Variants in USP9X observed in about 807,000 individuals in gnomAD.
The protein encoded by USP9X is ubiquitin carboxyl-terminal hydrolase 9X.
USP9X carries 7 observed loss-of-function variants against 190.3 expected under a neutral mutation model. The observed-to-expected ratio is 0.04, with a 90% CI of 0.02 to 0.07. The LOEUF is 0.07. USP9X is among the 10% of genes least tolerant of loss of function. The pLI, the probability that USP9X is intolerant of heterozygous loss-of-function variation, is 1.00. For missense variants in USP9X, 1,010 were observed against 1,916.9 expected (o/e 0.53, Z 8.83); for synonymous variants, 645 against 659.5 (o/e 0.98, Z 0.34).
rs776872048 is a variant in USP9X at position 41,179,013 on chromosome X, C to G, written c.3149-4985C>G. 6.3e-5 allele frequency among the ~76,000 whole-genome samples: 7 copies of G among 111,876 alleles called. No individual in the cohort carries two copies. In the Admixed American group the frequency reaches 6.7e-4, roughly 11 times the overall value. On this transcript the variant is annotated intron_variant, in intron 21 of 44. Coordinates refer to ENST00000378308, the MANE Select transcript of USP9X (RefSeq NM_001039591.3). ...TGTTCTTGGCACCTTTGTTGAAAAT[C>G]AGTTGTTTCTGATTATGTGGATTTA... is the stretch of plus-strand genomic sequence containing the variant.
intron 21 of USP9X, among the ~76,000 whole-genome samples, chrX:41,174,983 A>C: frequency 9.0e-6 from 1 of 111,338 alleles, no homozygotes; most frequent in Non-Finnish European, 1.9e-5. Flanking sequence ...TTCTGTCTGA[A>C]GAAAAAAAAA....
rs1048092880 is a variant in USP9X at position 41,141,107 on chromosome X, T to C, written c.912T>C (p.Asn304=). 1 of 1,205,005 alleles carries C rather than the reference T, an allele frequency of 8.3e-7. No homozygotes were observed. Among genetic ancestry groups the C allele is most frequent in the African/African-American group, 1.8e-5 (1 of 57,105 alleles). The change falls in exon 8 of 45, where the codon AAT becomes AAC. Residue 304 remains asparagine, a synonymous_variant. Transcript: ENST00000378308. The part of the protein sequence containing the change: ...LKKEAKNEAK[N]DALSMIIKSL... ...AAGAAGCAAAGAATGAAGCCAAAAA[T>C]GATGCTCTTTCAATGATTATTAAAT...
rs113937187 is a variant in USP9X, at chrX:41,137,060, A to G, written c.654+38A>G. On this transcript the variant is annotated intron_variant, in intron 6 of 44. Transcript: ENST00000378308. Reference sequence around the variant, plus strand: ...GTTATTTTCAAAATTAAATAATACAATTGTTTTGTTCTGACACAGAATCTT... The same window carrying G: ...GTTATTTTCAAAATTAAATAATACAGTTGTTTTGTTCTGACACAGAATCTT... 0.19 allele frequency: 217,081 copies of G among 1,121,670 alleles called. 14,944 individuals are homozygous for G. Among genetic ancestry groups the G allele is most frequent in the Admixed American group, 0.3 (13,287 of 43,606 alleles). 92.4% of individuals were successfully genotyped at this position (1,121,670 alleles called of 1,213,427 possible). A position where few individuals can be genotyped will look rare whatever the true frequency, so the allele number is the denominator to read the frequency against.
At chrX:41,167,626 C>T in intron 17 of USP9X, 49 bp downstream of exon 17, 13 of 958,218 alleles carry the variant, frequency 1.4e-5, no homozygotes, top group African/African-American at 1.9e-5. Context: ...CTTTCGGCCC[C>T]CATTTCTCTT....
chrX:41,193,048 A>T (rs1359208611), intron 26 of USP9X, among the ~76,000 whole-genome samples: 2 of 111,344 alleles, frequency 1.8e-5, no homozygotes, highest in African/African-American at 3.3e-5. Context: ...TAAGCAGAAA[A>T]AACAACAGAT....
chrX:41,091,453 G>A (rs965145355), intron 1 of USP9X, among the ~76,000 whole-genome samples: 1 of 111,571 alleles, frequency 9.0e-6, no homozygotes, highest in African/African-American at 3.3e-5. Context: ...AATTTACTTT[G>A]TTTAGGTGTT....
At position 41,144,533 on chromosome X, in the gene USP9X, T is replaced by C. The variant is rs1293335929; in HGVS notation, c.1326T>C (p.His442=). 1 of 1,207,749 alleles carries C rather than the reference T, an allele frequency of 8.3e-7. No individual in the cohort carries two copies. Among genetic ancestry groups the C allele is most frequent in the African/African-American group, 1.8e-5 (1 of 56,928 alleles). ...TTGTTTTTCAATAGGCAGGGAAACA[T>C]GAAGCCATTGTGAAGAATGTACATG... ...DNIWAAQAGK[H]EAIVKNVHDL... is the part of the protein sequence containing the mutation. The change falls in exon 11 of 45, where the codon CAT becomes CAC. Residue 442 remains histidine (H), a synonymous_variant. Transcript: ENST00000378308.
chrX:41,118,692 AAAAC>A (rs1467692670), intron 1 of USP9X, among the ~76,000 whole-genome samples: 1 of 111,333 alleles, frequency 9.0e-6, no homozygotes, highest in Non-Finnish European at 1.9e-5. Flanking sequence ...TTCGGGAAAA[AAAAC>A]AGACTCCCAG....
In USP9X at chrX:41,136,851, C is replaced by G. The variant is rs1341219159; in HGVS notation, c.483C>G (p.Ala161=). The G allele has an allele frequency of 8.3e-7, 1 of 1,211,129 alleles. No individual in the cohort carries two copies. The highest frequency in any genetic ancestry group is 1.7e-5 in the African/African-American group (1 of 57,654). Residue 161 remains alanine, a synonymous_variant, in exon 6 of 45, where the codon GCC becomes GCG. Coordinates refer to ENST00000378308, the MANE Select transcript of USP9X (RefSeq NM_001039591.3). ...ATCGTCTGGTGGAGCTATGTGTGGCCAAGTTGTCCCAAGACTGGTTTCCAC... is the reference window on the plus strand; with the variant it reads ...ATCGTCTGGTGGAGCTATGTGTGGCGAAGTTGTCCCAAGACTGGTTTCCAC... The part of the protein sequence containing the change: ...NTHRLVELCV[A]KLSQDWFPLL...
At chrX:41,205,522 TA>T (rs1274851920) in intron 32 of USP9X, 29 bp downstream of exon 32, 2 of 1,153,953 alleles carry the variant, frequency 1.7e-6, no homozygotes, top group African/African-American at 3.6e-5. Flanking sequence ...GTAATAGAGA[TA>T]CTTCTTAAAA....
chrX:41,125,680 A>ACTCTCTCTCTCTCTCTCT (rs1270231301), intron 2 of USP9X, among the ~76,000 whole-genome samples: 1 of 26,645 alleles, frequency 3.8e-5, no homozygotes, highest in African/African-American at 1.4e-4. Context: ...ACACACACAC[A>ACTCTCTCTCTCTCTCTCT]CACACTCTCT....
intron 15 of USP9X, among the ~76,000 whole-genome samples, chrX:41,164,971 A>C (rs769796194): frequency 8.9e-6 from 1 of 111,922 alleles, no homozygotes; most frequent in South Asian, 3.7e-4. Context: ...TTTAAAATAT[A>C]TATCAGATTC....
chrX:41,132,066 A>G (rs1451567850), intron 4 of USP9X, among the ~76,000 whole-genome samples: 1 of 111,280 alleles, frequency 9.0e-6, no homozygotes, highest in African/African-American at 3.3e-5. Context: ...TTACCTAGTA[A>G]AATCTTCATT....
chrX:41,121,969 T>C (rs984928927), intron 1 of USP9X, among the ~76,000 whole-genome samples: 2 of 112,180 alleles, frequency 1.8e-5, no homozygotes, highest in African/African-American at 6.5e-5. Context: ...AACCCTGTTA[T>C]GGCTCTAGGA....
rs1445167103 is a variant in USP9X, at chrX:41,150,818, A to T, written c.1627-103A>T. ...ATTACAACATGATGCTTGTATTGCT[A>T]ATCTTAAAAGAAAAGCTTTTATTTT... On this transcript the variant is annotated intron_variant, in intron 12 of 44. Transcript: ENST00000378308. 3.6e-6 allele frequency: 3 copies of T among 836,642 alleles called. No homozygotes were observed. The East Asian group carries it at 1.1e-4, about 31-fold the overall frequency. The allele number at this position is 836,642 out of a possible 1,213,427, so 68.9% of individuals were successfully genotyped here.
rs766918025 is a variant in USP9X at position 41,199,189 on chromosome X, AAAAAG to A, written c.4603+459_4603+463del. 4.7e-3 allele frequency among the ~76,000 whole-genome samples: 522 copies of A among 110,942 alleles called. 2 individuals are homozygous for A. Among genetic ancestry groups the A allele is most frequent in the African/African-American group, 0.013 (401 of 30,534 alleles). ...ACAGAGCAAGACTCCATCTCAGAAA[AAAAAG>A]AAAAGAAAAGAAAAGAAAAAAGAAA... On this transcript the variant is annotated intron_variant, in intron 30 of 44. Transcript: ENST00000378308.
chrX:41,215,803 T>A, intron 34 of USP9X, 96 bp from the exon 35 acceptor site: 1 of 885,293 alleles, frequency 1.1e-6, no homozygotes, highest in Non-Finnish European at 1.5e-6. Flanking sequence ...AAAATTCAGA[T>A]AAGTCTTAAT....
Position 41,230,489 on chromosome X carries a change from A to G in USP9X, c.7432-12A>G, listed in dbSNP as rs369075332. ...CCTACGTAATTTTTTATCTTGAAAT[A>G]TTCAAAATTAGGAGCCAGATGACCA... On this transcript the variant is annotated splice_polypyrimidine_tract_variant and intron_variant, in intron 43 of 44. Coordinates refer to ENST00000378308, the MANE Select transcript of USP9X (RefSeq NM_001039591.3). The G allele has an allele frequency of 1.8e-5, 22 of 1,200,499 alleles. No individual in the cohort carries two copies. In the African/African-American group the frequency reaches 3.9e-4, roughly 21 times the overall value.
chrX:41,096,071 G>T (rs1453872262), intron 1 of USP9X, among the ~76,000 whole-genome samples: 1 of 111,979 alleles, frequency 8.9e-6, no homozygotes, highest in Non-Finnish European at 1.9e-5. Flanking sequence ...TTTCCTCACT[G>T]AGAGCTGCTG....
Sources: gnomAD v4.1 joint callset for allele counts (sites outside exome capture counted in the v4.1 genomes callset) on GRCh38, gnomAD v4.1.1 for gene constraint, MANE v1.5 for transcripts, NCBI Gene and HGNC (gene_info 2026-07-23, HGNC 2026-07-21) for gene names.